Variants in FAF1 observed in about 807,000 individuals in gnomAD.
The protein encoded by FAF1 is Fas associated factor 1, also known as FAS-associated factor 1.
FAF1 carries 25 observed loss-of-function variants against 92.5 expected under a neutral mutation model. The ratio of observed to expected loss-of-function variants is 0.27; its 90% CI spans 0.20 to 0.38. The LOEUF (loss-of-function observed/expected upper bound fraction) is 0.38. FAF1 is among the 10% of genes least tolerant of loss of function. FAF1 has a pLI of 1.00. For missense variants in FAF1, 636 were observed against 793.3 expected, an observed-to-expected ratio of 0.80 and a Z score of 2.38; for synonymous variants, 234 against 273.2, an observed-to-expected ratio of 0.86 and a Z score of 1.42.
intron 1 of FAF1, among the ~76,000 whole-genome samples, chr1:50,900,197 G>A (rs1644785562): frequency 6.6e-6 from 1 of 152,094 alleles, no homozygotes; most frequent in Non-Finnish European, 1.5e-5. Flanking sequence ...GCATATTAAA[G>A]CCTACCTAAA....
At chr1:50,939,697 C>G (rs1418640163) in intron 1 of FAF1, among the ~76,000 whole-genome samples, 2 of 152,154 alleles carry the variant, frequency 1.3e-5, no homozygotes, top group Non-Finnish European at 2.9e-5. Flanking sequence ...AGGTATGTTC[C>G]TTCCATGCCT....
intron 4 of FAF1, among the ~76,000 whole-genome samples, chr1:50,758,370 C>A (rs958386646): frequency 6.6e-6 from 1 of 152,196 alleles, no homozygotes; most frequent in African/African-American, 2.4e-5. Context: ...ACATTTTTAA[C>A]TCAACAAAGA....
intron 8 of FAF1, among the ~76,000 whole-genome samples, chr1:50,621,115 C>T (rs1166458352): frequency 2.0e-5 from 3 of 152,234 alleles, no homozygotes; most frequent in Non-Finnish European, 4.4e-5. Flanking sequence ...GATCTTGGCT[C>T]CATACTCCTA....
intron 15 of FAF1, among the ~76,000 whole-genome samples, chr1:50,510,133 T>G (rs990414900): frequency 6.8e-6 from 1 of 148,046 alleles, no homozygotes; most frequent in Non-Finnish European, 1.5e-5. Context: ...ACCACTGCAC[T>G]CTAGCCTGGG....
intron 1 of FAF1, among the ~76,000 whole-genome samples, chr1:50,934,475 C>T (rs761544642): frequency 3.9e-5 from 6 of 152,134 alleles, no homozygotes; most frequent in Non-Finnish European, 7.3e-5. Flanking sequence ...ATAATTCTAG[C>T]ACTTTGGGAG....
At chr1:50,596,752 A>G (rs1651840359) in intron 8 of FAF1, among the ~76,000 whole-genome samples, 1 of 152,196 alleles carries the variant, frequency 6.6e-6, no homozygotes, top group Non-Finnish European at 1.5e-5. Context: ...TTCATTTTCA[A>G]TACACTGTTT....
intron 15 of FAF1, among the ~76,000 whole-genome samples, chr1:50,534,120 A>G (rs962648041): frequency 2.0e-5 from 3 of 152,180 alleles, no homozygotes; most frequent in African/African-American, 7.2e-5. Context: ...AGAAGATTAG[A>G]GAAGGAAGGT....
At chr1:50,487,493 C>A (rs1182420450) in intron 17 of FAF1, among the ~76,000 whole-genome samples, 1 of 152,068 alleles carries the variant, frequency 6.6e-6, no homozygotes, top group Non-Finnish European at 1.5e-5. Flanking sequence ...TTTCTTGAAA[C>A]TGATTTTGGA....
At chr1:50,535,619 T>C (rs1648435603) in intron 14 of FAF1, among the ~76,000 whole-genome samples, 162 bp from the exon 15 acceptor site, 1 of 152,198 alleles carries the variant, frequency 6.6e-6, no homozygotes, top group African/African-American at 2.4e-5. Context: ...TATTGAAATG[T>C]TTCATATGTT....
At chr1:50,812,393 C>A (rs902419138) in intron 2 of FAF1, among the ~76,000 whole-genome samples, 8 of 151,936 alleles carry the variant, frequency 5.3e-5, no homozygotes, top group Non-Finnish European at 8.8e-5. Flanking sequence ...AACAAACAAC[C>A]CCATTAAAAA....
At chr1:50,873,671 GAAA>G (rs1277200632) in intron 1 of FAF1, among the ~76,000 whole-genome samples, 2 of 152,158 alleles carry the variant, frequency 1.3e-5, no homozygotes, top group Non-Finnish European at 2.9e-5. Context: ...AGGGATTTCT[GAAA>G]AACCTGTGCC....
chr1:50,482,847 GGT>G (rs1326624840), intron 17 of FAF1, among the ~76,000 whole-genome samples: 4 of 151,730 alleles, frequency 2.6e-5, no homozygotes, highest in African/African-American at 9.7e-5. Context: ...TTAATACTTG[GGT>G]TGCTTTCTTA....
At chr1:50,643,598 T>A (rs929323306) in intron 8 of FAF1, among the ~76,000 whole-genome samples, 9 of 152,080 alleles carry the variant, frequency 5.9e-5, no homozygotes, top group Admixed American at 2.0e-4. Context: ...TAAAAAAAAT[T>A]TTTCTTTTAT....
Position 50,507,788 on chromosome 1 carries a change from A to T in FAF1, c.1495-15987T>A, listed in dbSNP as rs972437215. ...TTGAGCAGTGAAAGGTTTTTAAAAA[A>T]TTTTCCCCAGGTTATGGTCTAATCA... is the stretch of plus-strand genomic sequence containing the variant. On this transcript the variant is annotated intron_variant, in intron 15 of 18. Coordinates refer to ENST00000396153, the MANE Select transcript of FAF1 (RefSeq NM_007051.3). Among the ~76,000 whole-genome samples, 5 of 152,126 alleles carry T rather than the reference A, an allele frequency of 3.3e-5. No individual in the cohort carries two copies. The East Asian group carries it at 7.7e-4, about 23-fold the overall frequency.
At chr1:50,838,408 TTAATTTTACATGTTAATGTAAATA>T (rs1226583652) in intron 2 of FAF1, among the ~76,000 whole-genome samples, 41 of 150,416 alleles carry the variant, frequency 2.7e-4, no homozygotes, top group Non-Finnish European at 4.3e-4. Context: ...TACATTACTT[TTAATTTTACATGTTAATGTAAATA>T]TAATTTTACA....
At chr1:50,630,089 G>A (rs1006114147) in intron 8 of FAF1, among the ~76,000 whole-genome samples, 1 of 151,864 alleles carries the variant, frequency 6.6e-6, no homozygotes, top group African/African-American at 2.4e-5. Context: ...TCAGCAAAAT[G>A]CCTAGAACAA....
chr1:50,901,782 T>A (rs1009480699), intron 1 of FAF1, among the ~76,000 whole-genome samples: 11 of 152,060 alleles, frequency 7.2e-5, no homozygotes, highest in Non-Finnish European at 1.3e-4. Flanking sequence ...GGAGAATCAC[T>A]TGAACCCAGG....
chr1:50,626,254 T>C (rs986727482), intron 8 of FAF1, among the ~76,000 whole-genome samples: 8 of 152,188 alleles, frequency 5.3e-5, no homozygotes, highest in Non-Finnish European at 1.0e-4. Flanking sequence ...GGTTTATTCA[T>C]TCAAACAATC....
rs376788917 is a variant in FAF1, at chr1:50,487,116, T to C, written c.1653+3472A>G. On this transcript the variant is annotated intron_variant, in intron 17 of 18. Coordinates refer to ENST00000396153, the MANE Select transcript of FAF1 (RefSeq NM_007051.3). ...CCATTGTCACAGTAGCTATTAGATA[T>C]AGTTGGGGTTAGTATTCACTACATT... Among the ~76,000 whole-genome samples, 99 of 152,314 alleles carry C rather than the reference T, an allele frequency of 6.5e-4. 3 individuals are homozygous for C. In the South Asian group the frequency reaches 0.02, roughly 31 times the overall value.
Sources: allele counts gnomAD v4.1 joint callset (sites outside exome capture counted in the v4.1 genomes callset), GRCh38; gene constraint gnomAD v4.1.1; transcripts MANE v1.5; gene names NCBI Gene and HGNC (gene_info 2026-07-23, HGNC 2026-07-21).